The following GTF2IRD2B variants were observed in gnomAD, a reference collection of about 807,000 sequenced individuals.
The protein encoded by GTF2IRD2B is general transcription factor II-I repeat domain-containing protein 2B.
In GTF2IRD2B, 10 loss-of-function variants were observed where a neutral mutation model predicts 55.6. That is an observed-to-expected ratio of 0.18 (90% CI 0.11 to 0.31). The LOEUF (loss-of-function observed/expected upper bound fraction) is 0.31, where lower values mean the gene tolerates loss of function less well. Ranked by LOEUF, GTF2IRD2B falls within the 10% of genes least tolerant of loss-of-function variation. The probability of loss-of-function intolerance (pLI) is 1.00; values close to 1 mark genes in which losing one functional copy is unlikely to be tolerated. For synonymous variants in GTF2IRD2B, 107 were observed against 320.5 expected (o/e 0.33, Z 7.12); for missense variants, 206 against 802.7 (o/e 0.26, Z 8.98).
At chr7:75,127,091 C>CAAATAAAT (rs781877232) in intron 8 of GTF2IRD2B, among the ~76,000 whole-genome samples, 2 of 149,034 alleles carry the variant, frequency 1.3e-5, no homozygotes, top group Non-Finnish European at 3.0e-5. Context: ...TTTGTTTTAT[C>CAAATAAAT]AAATAAATAA....
intron 1 of GTF2IRD2B, among the ~76,000 whole-genome samples, chr7:75,099,737 A>AAAATT (rs1807474266): frequency 7.9e-6 from 1 of 126,550 alleles, no homozygotes; most frequent in South Asian, 2.5e-4. Flanking sequence ...ACTCCGTCTC[A>AAAATT]AAATAAATAA....
At chr7:75,126,610 A>G (rs1396381957) in intron 8 of GTF2IRD2B, 3 of 346,006 alleles carry the variant, frequency 8.7e-6, no homozygotes, top group African/African-American at 6.6e-5. Flanking sequence ...CTGAGGCAGG[A>G]GAATTGCTTG....
intron 11 of GTF2IRD2B, among the ~76,000 whole-genome samples, chr7:75,137,058 C>G (rs587690511): frequency 6.6e-6 from 1 of 150,670 alleles, no homozygotes; most frequent in Non-Finnish European, 1.5e-5. Context: ...ACAAAATTAG[C>G]CAGGCGTGGT....
chr7:75,115,412 A>G (rs1364421949), intron 3 of GTF2IRD2B, among the ~76,000 whole-genome samples: 3 of 150,394 alleles, frequency 2.0e-5, no homozygotes, highest in Non-Finnish European at 4.4e-5. Flanking sequence ...TTGGTGTTCC[A>G]TATGAATTTT....
rs587660166 is a variant in GTF2IRD2B, at chr7:75,122,817, G to A, written c.359-319G>A. ...TATCCTAGCACTTTGGCAGGCTAAG[G>A]TGGGTAGATCGCCTGAGCTCAGCCG... On this transcript the variant is annotated intron_variant, in intron 4 of 15. Transcript: ENST00000472837. Among the ~76,000 whole-genome samples, 327 of 150,168 alleles carry A rather than the reference G, an allele frequency of 2.2e-3. 9 individuals are homozygous for A. The highest frequency in any genetic ancestry group is 2.0e-3 in the Non-Finnish European group (138 of 67,354).
At chr7:75,121,706 G>A (rs1299786925) in intron 4 of GTF2IRD2B, among the ~76,000 whole-genome samples, 2 of 151,650 alleles carry the variant, frequency 1.3e-5, no homozygotes, top group Non-Finnish European at 2.9e-5. Context: ...TGATCCTCCT[G>A]CCTTGGCCTC....
At chr7:75,104,692 T>G (rs1168899820) in intron 1 of GTF2IRD2B, among the ~76,000 whole-genome samples, 1 of 152,270 alleles carries the variant, frequency 6.6e-6, no homozygotes, top group African/African-American at 2.4e-5. Flanking sequence ...GAATGGGAAC[T>G]TAACACGTCT....
At chr7:75,109,620 C>A (rs1207664758) in intron 2 of GTF2IRD2B, among the ~76,000 whole-genome samples, 1 of 62,334 alleles carries the variant, frequency 1.6e-5, no homozygotes, top group African/African-American at 4.1e-5. Context: ...GGATTACAGG[C>A]GTGAGCCACC....
chr7:75,137,172 C>A (rs1231999382), intron 11 of GTF2IRD2B, among the ~76,000 whole-genome samples: 12 of 149,716 alleles, frequency 8.0e-5, no homozygotes, highest in African/African-American at 1.2e-4. Context: ...CACTGTACTG[C>A]AGCCTGGGTG....
chr7:75,109,423 C>T (rs587595419), intron 2 of GTF2IRD2B, among the ~76,000 whole-genome samples: 1 of 141,502 alleles, frequency 7.1e-6, no homozygotes, highest in Non-Finnish European at 1.6e-5. Flanking sequence ...ACTGCAACCT[C>T]CGCCTCCCGG....
Position 75,127,435 on chromosome 7 carries a change from C to T in GTF2IRD2B, c.670+1050C>T, listed in dbSNP as rs587714609. ...AGTGAGCTGTAATGGTACCACTGCA[C>T]TCCGGCCTGGGTGACAGAGAGAGAC... is the stretch of plus-strand genomic sequence containing the variant. On this transcript the variant is annotated intron_variant, in intron 8 of 15. Transcript: ENST00000472837. Among the ~76,000 whole-genome samples the T allele has an allele frequency of 4.0e-3, 547 of 136,236 alleles. 1 individual carries two copies. The highest frequency in any genetic ancestry group is 0.014 in the African/African-American group (519 of 36,536). 89.4% of individuals were successfully genotyped at this position (136,236 alleles called of 152,430 possible). A position where few individuals can be genotyped will look rare whatever the true frequency, so the allele number is the denominator to read the frequency against.
At chr7:75,099,782 A>AAATC (rs1280631027) in intron 1 of GTF2IRD2B, among the ~76,000 whole-genome samples, 2 of 140,680 alleles carry the variant, frequency 1.4e-5, no homozygotes, top group African/African-American at 5.2e-5. Flanking sequence ...ATAAATAAAT[A>AAATC]AAACATAATC....
intron 1 of GTF2IRD2B, among the ~76,000 whole-genome samples, chr7:75,101,840 A>G (rs1807571563): frequency 7.4e-6 from 1 of 135,738 alleles, no homozygotes; most frequent in Admixed American, 8.3e-5. Flanking sequence ...GTTGCAGTGA[A>G]CTGTGATTGT....
Position 75,123,522 on chromosome 7 carries a change from T to C in GTF2IRD2B, c.571+6T>C. On this transcript the variant is annotated splice_donor_region_variant and intron_variant, in intron 6 of 15. Transcript: ENST00000472837. Reference sequence around the variant, plus strand: ...AGGACCAGAGAGTCAGCTGGGTAAGTGACAGCTTCTCAGGTTTGGTGGCTC... The same window carrying C: ...AGGACCAGAGAGTCAGCTGGGTAAGCGACAGCTTCTCAGGTTTGGTGGCTC... The C allele has an allele frequency of 1.5e-6, 1 of 682,072 alleles. No homozygotes were observed. Among genetic ancestry groups the C allele is most frequent in the South Asian group, 1.7e-5 (1 of 60,590 alleles). 42.3% of individuals were successfully genotyped at this position (682,072 alleles called of 1,614,324 possible).
intron 1 of GTF2IRD2B, among the ~76,000 whole-genome samples, chr7:75,103,638 A>G (rs1490556416): frequency 6.6e-6 from 1 of 151,750 alleles, no homozygotes. Context: ...GGATGCACCC[A>G]TTTCCAGAGA....
intron 2 of GTF2IRD2B, among the ~76,000 whole-genome samples, chr7:75,109,433 G>A (rs1445356194): frequency 5.7e-5 from 8 of 139,140 alleles, no homozygotes; most frequent in African/African-American, 2.0e-4. Flanking sequence ...CCGCCTCCCG[G>A]GTTCAAGCAA....
In GTF2IRD2B at chr7:75,099,737, AAAAT is replaced by A. The variant is rs781954915; in HGVS notation, c.-6+7016_-6+7019del. Among the ~76,000 whole-genome samples the A allele has an allele frequency of 5.5e-3, 694 of 126,164 alleles. 2 individuals carry two copies. Among genetic ancestry groups the A allele is most frequent in the African/African-American group, 8.6e-3 (285 of 33,290 alleles). 82.8% of individuals were successfully genotyped at this position (126,164 alleles called of 152,430 possible). ...GGGCAACAGAGCGAGACTCCGTCTC[AAAAT>A]AAATAAATAAATAAATAAATAAATA... On this transcript the variant is annotated intron_variant, in intron 1 of 15. Coordinates refer to ENST00000472837, the MANE Select transcript of GTF2IRD2B (RefSeq NM_001003795.3).
At position 75,148,594 on chromosome 7, in the gene GTF2IRD2B, G is replaced by A. The variant is rs1554454615; in HGVS notation, c.2147G>A (p.Arg716His). The change falls in exon 16 of 16, where the codon CGC (arginine) becomes CAC (histidine). Residue 716 changes from arginine (R) to histidine (H), a missense_variant. Arg to His is a conservative substitution (Grantham distance 29). Coordinates refer to ENST00000472837, the MANE Select transcript of GTF2IRD2B (RefSeq NM_001003795.3). ...TACACGGAGATTAAGTGGCTCAGTCGCGGGCTCGTGCTAAAGAGATTTTTC... is the reference window on the plus strand; with the variant it reads ...TACACGGAGATTAAGTGGCTCAGTCACGGGCTCGTGCTAAAGAGATTTTTC... ...LYYTEIKWLS[R>H]GLVLKRFFES... The A allele has an allele frequency of 7.4e-6, 5 of 673,254 alleles. No homozygotes were observed. The highest frequency in any genetic ancestry group is 1.0e-5 in the Non-Finnish European group (4 of 382,436). The allele number at this position is 673,254 out of a possible 1,614,324, so 41.7% of individuals were successfully genotyped here.
chr7:75,121,623 T>G (rs1292175621), intron 4 of GTF2IRD2B, among the ~76,000 whole-genome samples: 1 of 148,138 alleles, frequency 6.8e-6, no homozygotes, highest in Non-Finnish European at 1.5e-5. Flanking sequence ...CTTGCCCAGC[T>G]AATTTTTGTA....
Sources: allele counts gnomAD v4.1 joint callset (sites outside exome capture counted in the v4.1 genomes callset), GRCh38; gene constraint gnomAD v4.1.1; transcripts MANE v1.5; gene names NCBI Gene and HGNC (gene_info 2026-07-23, HGNC 2026-07-21).